NT5M: variants seen among roughly 807,000 people sequenced by gnomAD.
NT5M encodes 5',3'-nucleotidase, mitochondrial.
In NT5M, 22 loss-of-function variants were observed where a neutral mutation model predicts 22.2. That is an observed-to-expected ratio of 0.99 (90% CI 0.71 to 1.41). NT5M has a LOEUF of 1.41. Among genes scored for constraint, NT5M ranks in the 40% most tolerant of loss-of-function variants. NT5M has a pLI of 0.00. For missense variants in NT5M, 322 were observed against 314.8 expected (o/e 1.02, Z -0.17); for synonymous variants, 167 against 133.0 (o/e 1.26, Z -1.76).
At chr17:17,326,990 C>G (rs951723456) in intron 3 of NT5M, among the ~76,000 whole-genome samples, 2 of 152,112 alleles carry the variant, frequency 1.3e-5, no homozygotes, top group African/African-American at 2.4e-5. Flanking sequence ...CGGCTTACTG[C>G]AACATCCGCC....
intron 4 of NT5M, chr17:17,345,151 G>T (rs930884958): frequency 7.5e-6 from 8 of 1,068,432 alleles, no homozygotes; most frequent in South Asian, 7.0e-5. Flanking sequence ...CCTTGGGGAA[G>T]TCCCTTCAGC....
chr17:17,323,037 G>GAT, intron 2 of NT5M, 148 bp from the exon 3 acceptor site: 1 of 745,300 alleles, frequency 1.3e-6, no homozygotes, highest in Non-Finnish European at 2.5e-6. Flanking sequence ...CTCTGGTGTG[G>GAT]ATATAGTACA....
At chr17:17,308,573 C>A (rs537354236) in intron 2 of NT5M, among the ~76,000 whole-genome samples, 72 of 151,874 alleles carry the variant, frequency 4.7e-4, no homozygotes, top group Admixed American at 3.5e-3. Flanking sequence ...GCCTGGGCAA[C>A]AGAGTGAAAC....
At chr17:17,339,499 C>T (rs1043962772) in intron 3 of NT5M, among the ~76,000 whole-genome samples, 3 of 152,140 alleles carry the variant, frequency 2.0e-5, no homozygotes, top group Admixed American at 6.5e-5. Flanking sequence ...CGAGGACTTC[C>T]AGTACTATGT....
chr17:17,323,643 C>T (rs77548855), intron 3 of NT5M, among the ~76,000 whole-genome samples: 4,383 of 152,262 alleles, frequency 0.029, 191 homozygotes, highest in African/African-American at 0.092. Context: ...AAATTGAGAC[C>T]TTTCTGGAAA....
chr17:17,329,354 C>T (rs550522476), intron 3 of NT5M, among the ~76,000 whole-genome samples: 17 of 152,310 alleles, frequency 1.1e-4, no homozygotes, highest in African/African-American at 3.4e-4. Flanking sequence ...TGAGGGTTAG[C>T]GGCCAGAAAG....
intron 2 of NT5M, among the ~76,000 whole-genome samples, chr17:17,321,773 A>T (rs1258803208): frequency 2.0e-5 from 3 of 151,742 alleles, no homozygotes; most frequent in Non-Finnish European, 4.4e-5. Flanking sequence ...CAAGCAGAGG[A>T]TGGCAGCGAA....
intron 2 of NT5M, among the ~76,000 whole-genome samples, chr17:17,310,271 A>G (rs753485496): frequency 6.6e-6 from 1 of 152,196 alleles, no homozygotes; most frequent in Non-Finnish European, 1.5e-5. Context: ...AAAAAAAGCC[A>G]GGCACAGTGG....
chr17:17,335,908 A>G (rs576053681), intron 3 of NT5M, among the ~76,000 whole-genome samples: 1 of 152,184 alleles, frequency 6.6e-6, no homozygotes, highest in Admixed American at 6.5e-5. Flanking sequence ...CTGGGATTAC[A>G]GGCATGAGCC....
chr17:17,332,477 C>T (rs879704172), intron 3 of NT5M, among the ~76,000 whole-genome samples: 50 of 152,306 alleles, frequency 3.3e-4, no homozygotes, highest in African/African-American at 1.2e-3. Flanking sequence ...GAGCGCCTCC[C>T]CTGGGAGTCC....
chr17:17,341,536 C>T (rs79620261), intron 3 of NT5M, among the ~76,000 whole-genome samples: 1 of 152,166 alleles, frequency 6.6e-6, no homozygotes, highest in South Asian at 2.1e-4. Context: ...ACTAAATCCC[C>T]GAAGGCACTC....
At chr17:17,311,849 C>G (rs2048928584) in intron 2 of NT5M, among the ~76,000 whole-genome samples, 1 of 152,144 alleles carries the variant, frequency 6.6e-6, no homozygotes, top group Admixed American at 6.5e-5. Context: ...GTATCGTGTT[C>G]CTGTAGCAGG....
In NT5M at chr17:17,303,625, G is replaced by GGGCGGGCTGGGCCT; in HGVS notation, c.82_95dup (p.Gly33TrpfsTer61). 1 of 1,317,130 alleles carries GGGCGGGCTGGGCCT rather than the reference G, an allele frequency of 7.6e-7. No homozygotes were observed. Among genetic ancestry groups the GGGCGGGCTGGGCCT allele is most frequent in the Non-Finnish European group, 9.7e-7 (1 of 1,026,804 alleles). The allele number at this position is 1,317,130 out of a possible 1,614,324, so 81.6% of individuals were successfully genotyped here. On this transcript the variant is annotated frameshift_variant, in exon 1 of 5. Transcript: ENST00000389022. LOFTEE classifies it high-confidence loss of function. ...TTCCCGCGGGGCGGCGCGGGGCGGC[G>GGGCGGGCTGGGCCT]GGCGGGCTGGGCCTGGCGGGAGGCC... is the stretch of plus-strand genomic sequence containing the variant.
chr17:17,342,368 G>C (rs962766806), intron 3 of NT5M, among the ~76,000 whole-genome samples: 1 of 152,078 alleles, frequency 6.6e-6, no homozygotes, highest in Non-Finnish European at 1.5e-5. Context: ...ATTTTCCCAC[G>C]CAAACCCTTT....
chr17:17,306,380 C>T (rs1031504975), intron 1 of NT5M, among the ~76,000 whole-genome samples, 163 bp from the exon 2 acceptor site: 13 of 152,104 alleles, frequency 8.5e-5, no homozygotes, highest in Non-Finnish European at 1.3e-4. Context: ...TCGAAGTCCA[C>T]ATACTCTCCG....
chr17:17,343,579 C>T (rs2049693949), intron 3 of NT5M, among the ~76,000 whole-genome samples: 1 of 152,162 alleles, frequency 6.6e-6, no homozygotes, highest in African/African-American at 2.4e-5. Flanking sequence ...ACCCATGTCC[C>T]ATTTCCTTGT....
At position 17,345,403 on chromosome 17, in the gene NT5M, G is replaced by A. The variant is rs1567903661; in HGVS notation, c.544+495G>A. ...GAAAGGAGAGGGAGATGGGCGTGGT[G>A]ACTCACGCCTGTAATTTGGGAGGCT... is the stretch of plus-strand genomic sequence containing the variant. On this transcript the variant is annotated intron_variant, in intron 4 of 4. Coordinates refer to ENST00000389022, the MANE Select transcript of NT5M (RefSeq NM_020201.4). The A allele has an allele frequency of 2.6e-5, 8 of 309,862 alleles. No individual in the cohort carries two copies. In the South Asian group the frequency reaches 9.6e-4, roughly 37 times the overall value. The allele number at this position is 309,862 out of a possible 1,614,324, so 19.2% of individuals were successfully genotyped here. A position where few individuals can be genotyped will look rare whatever the true frequency, so the allele number is the denominator to read the frequency against.
intron 3 of NT5M, among the ~76,000 whole-genome samples, chr17:17,344,227 T>A (rs1378845957): frequency 1.3e-5 from 2 of 152,202 alleles, no homozygotes; most frequent in East Asian, 1.9e-4. Context: ...TGTGGTCAGC[T>A]TGCCTGTCCT....
At chr17:17,317,080 C>T (rs1177743549) in intron 2 of NT5M, among the ~76,000 whole-genome samples, 2 of 143,208 alleles carry the variant, frequency 1.4e-5, no homozygotes, top group Admixed American at 7.2e-5. Context: ...GACAGAGTCT[C>T]GCTCTGTCGC....
Sources: gnomAD v4.1 joint callset for allele counts (sites outside exome capture counted in the v4.1 genomes callset) on GRCh38, gnomAD v4.1.1 for gene constraint, MANE v1.5 for transcripts, NCBI Gene and HGNC (gene_info 2026-07-23, HGNC 2026-07-21) for gene names.